The following RUNX1T1 variants were observed in gnomAD, a reference collection of about 807,000 sequenced individuals.
RUNX1T1 encodes protein CBFA2T1.
RUNX1T1 carries 4 observed loss-of-function variants against 62.8 expected under a neutral mutation model. The ratio of observed to expected loss-of-function variants is 0.06; its 90% CI spans 0.03 to 0.15. The LOEUF is 0.15. Ranked by LOEUF, RUNX1T1 falls within the 10% of genes least tolerant of loss-of-function variation. The pLI, the probability that RUNX1T1 is intolerant of heterozygous loss-of-function variation, is 1.00. For synonymous variants in RUNX1T1, 291 were observed against 286.0 expected (o/e 1.02, Z -0.18); for missense variants, 508 against 754.3 (o/e 0.67, Z 3.82).
chr8:91,959,486 GTGTATATATATA>G (rs1563592033), exon 11 of RUNX1T1: 174 of 142,542 alleles, frequency 1.2e-3, no homozygotes, highest in South Asian at 6.0e-3. Flanking sequence ...GTGTGTGTGT[GTGTATATATATA>G]TATATATATA....
intron 1 of RUNX1T1, among the ~76,000 whole-genome samples, chr8:92,025,350 G>A (rs1824942936): frequency 1.3e-5 from 2 of 152,146 alleles, no homozygotes; most frequent in African/African-American, 4.8e-5. Context: ...TCCTGCAGCT[G>A]CTCCAGACAC....
At chr8:92,090,312 A>C (rs1836792064) in intron 1 of RUNX1T1, among the ~76,000 whole-genome samples, 1 of 152,052 alleles carries the variant, frequency 6.6e-6, no homozygotes, top group Non-Finnish European at 1.5e-5. Flanking sequence ...GTAACCAGGA[A>C]GTTGAACCTG....
chr8:92,066,948 T>A (rs562388231), upstream of RUNX1T1, among the ~76,000 whole-genome samples: 1 of 152,372 alleles, frequency 6.6e-6, no homozygotes, highest in East Asian at 1.9e-4. Flanking sequence ...ATTTACGCTA[T>A]TCCCTCAAAT....
chr8:92,100,462 T>TA (rs1428020243), upstream of RUNX1T1, among the ~76,000 whole-genome samples: 3 of 152,184 alleles, frequency 2.0e-5, no homozygotes, highest in African/African-American at 7.2e-5. Context: ...ACCTCAGTAT[T>TA]AAAAAAGTCC....
chr8:92,072,387 A>G (rs1833818982), intron 2 of RUNX1T1, among the ~76,000 whole-genome samples: 1 of 152,204 alleles, frequency 6.6e-6, no homozygotes, highest in Non-Finnish European at 1.5e-5. Flanking sequence ...AAGTCACCAA[A>G]CTCAGGAATA....
chr8:92,097,697 G>A (rs1053389485), intron 1 of RUNX1T1, among the ~76,000 whole-genome samples: 3 of 152,052 alleles, frequency 2.0e-5, no homozygotes, highest in Non-Finnish European at 4.4e-5. Flanking sequence ...AAATACTAGA[G>A]GCATAAAGAA....
intron 3 of RUNX1T1, among the ~76,000 whole-genome samples, chr8:92,011,464 C>A (rs1042739260): frequency 6.6e-5 from 10 of 152,134 alleles, no homozygotes; most frequent in Non-Finnish European, 1.5e-5. Flanking sequence ...ACTTAAAGGA[C>A]CGAGGGCAAG....
chr8:92,028,133 A>G (rs1825595041), intron 1 of RUNX1T1, among the ~76,000 whole-genome samples: 8 of 119,648 alleles, frequency 6.7e-5, no homozygotes, highest in Non-Finnish European at 8.7e-5. Context: ...GGAGGGAGGG[A>G]TGGATGAAAG....
chr8:91,955,174 A>C (rs1456007108), downstream of RUNX1T1: 1 of 216,512 alleles, frequency 4.6e-6, no homozygotes. Flanking sequence ...TGGAAGTCTC[A>C]TACTGTTCGC....
intron 9 of RUNX1T1, among the ~76,000 whole-genome samples, chr8:91,975,552 T>G (rs1445728082): frequency 6.7e-6 from 1 of 149,884 alleles, no homozygotes; most frequent in Non-Finnish European, 1.5e-5. Flanking sequence ...GACACTGGAA[T>G]TTTTTCATCA....
intron 1 of RUNX1T1, among the ~76,000 whole-genome samples, chr8:92,025,570 CCTTT>C (rs1212219963): frequency 6.6e-6 from 1 of 152,224 alleles, no homozygotes; most frequent in Non-Finnish European, 1.5e-5. Flanking sequence ...TTGCTGACAA[CCTTT>C]CTATCCCCAG....
At chr8:92,050,006 T>C (rs1829994582) in intron 1 of RUNX1T1, among the ~76,000 whole-genome samples, 1 of 152,184 alleles carries the variant, frequency 6.6e-6, no homozygotes, top group South Asian at 2.1e-4. Flanking sequence ...TTCTGCATTG[T>C]AACCTTCATA....
chr8:92,049,694 T>C (rs1829947126), intron 1 of RUNX1T1, among the ~76,000 whole-genome samples: 1 of 152,156 alleles, frequency 6.6e-6, no homozygotes, highest in Admixed American at 6.6e-5. Context: ...TTATCCAACC[T>C]ATATATTCAA....
chr8:92,069,942 T>C (rs571735610), intron 2 of RUNX1T1, among the ~76,000 whole-genome samples: 180 of 152,332 alleles, frequency 1.2e-3, no homozygotes, highest in African/African-American at 3.8e-3. Context: ...TATTGATAAA[T>C]TGACACAAGT....
intron 1 of RUNX1T1, 91 bp from the exon 3 acceptor site, chr8:92,017,454 G>A (rs1369527613): frequency 2.5e-6 from 4 of 1,597,748 alleles, no homozygotes; most frequent in African/African-American, 2.7e-5. Context: ...CAAGTGAACA[G>A]AAGAAATTCA....
chr8:92,102,810 C>A (rs759411480), upstream of RUNX1T1: 5 of 1,488,084 alleles, frequency 3.4e-6, no homozygotes, highest in Admixed American at 2.4e-5. The surrounding 1 kb of genome is among the most constrained non-coding windows in gnomAD (Gnocchi z 4.5). Flanking sequence ...GTCAGGGGCC[C>A]GACCCCGCCG....
upstream of RUNX1T1, chr8:92,102,869 C>T (rs760652828): frequency 7.6e-5 from 116 of 1,521,502 alleles, 1 homozygote; most frequent in Admixed American, 2.5e-4. This position sits in a 1 kb window ranked among gnomAD's most constrained non-coding sequence, Gnocchi z 4.5. Context: ...TGCACAGGGC[C>T]GGAGAGTCCC....
At chr8:92,075,322 C>G (rs1427751739) in intron 2 of RUNX1T1, among the ~76,000 whole-genome samples, 1 of 152,220 alleles carries the variant, frequency 6.6e-6, no homozygotes, top group Non-Finnish European at 1.5e-5. Flanking sequence ...GAACTCTCTC[C>G]CATAATTCAG....
At chr8:92,063,885 A>G (rs1426466187), upstream of RUNX1T1, among the ~76,000 whole-genome samples, 1 of 152,190 alleles carries the variant, frequency 6.6e-6, no homozygotes, top group Non-Finnish European at 1.5e-5. Flanking sequence ...ACACAGAAAC[A>G]ATTCCACTCA....
Sources: gnomAD v4.1 joint callset for allele counts (sites outside exome capture counted in the v4.1 genomes callset) on GRCh38, gnomAD v4.1.1 for gene constraint, Gnocchi (gnomAD v3.1) non-coding constraint, MANE v1.5 for transcripts, NCBI Gene and HGNC (gene_info 2026-07-23, HGNC 2026-07-21) for gene names.